Variants in DMD observed in about 807,000 individuals in gnomAD.
The protein encoded by DMD is mutant dystrophin.
DMD carries 63 observed loss-of-function variants against 330.1 expected under a neutral mutation model. The observed-to-expected ratio is 0.19, with a 90% CI of 0.16 to 0.24. DMD has a LOEUF of 0.24. Among genes scored for constraint, DMD ranks in the 10% least tolerant of loss-of-function variants. The pLI is 1.00. For missense variants in DMD, 3,344 were observed against 2,684.1 expected (o/e 1.25, Z -5.43); for synonymous variants, 1,223 against 959.8 (o/e 1.27, Z -5.07).
intron 44 of DMD, among the ~76,000 whole-genome samples, chrX:32,085,830 T>C (rs965047969): frequency 1.8e-5 from 2 of 110,486 alleles, no homozygotes; most frequent in Non-Finnish European, 3.8e-5. Flanking sequence ...TCAAAATGTA[T>C]ACAATGTGCC....
Position 31,167,376 on chromosome X carries a change from A to G in DMD, c.10553+2067T>C, listed in dbSNP as rs142979242. On this transcript the variant is annotated intron_variant, in intron 74 of 78. Transcript: ENST00000357033. ...AAAATGATAAAATGATAAATAAATG[A>G]TAGTTATCAGTACTCTTTACAAACA... Among the ~76,000 whole-genome samples, 149 of 111,874 alleles carry G rather than the reference A, an allele frequency of 1.3e-3. 1 individual carries two copies. In the East Asian group the frequency reaches 0.027, roughly 20 times the overall value.
At position 32,885,001 on chromosome X, in the gene DMD, T is replaced by A. The variant is rs2084379591; in HGVS notation, c.94-35181A>T. ...TGAGAAAATGCTGTGTCTTATAAAGTCATATAATGCTGAAGGTCAAGGAAT... is the reference window on the plus strand; with the variant it reads ...TGAGAAAATGCTGTGTCTTATAAAGACATATAATGCTGAAGGTCAAGGAAT... On this transcript the variant is annotated intron_variant, in intron 2 of 78. Transcript: ENST00000357033. Among the ~76,000 whole-genome samples, 2 of 112,076 alleles carry A rather than the reference T, an allele frequency of 1.8e-5. 1 individual carries two copies. Among genetic ancestry groups the A allele is most frequent in the Admixed American group, 1.9e-4 (2 of 10,552 alleles).
At chrX:32,116,841 T>C in intron 44 of DMD, among the ~76,000 whole-genome samples, 1 of 112,198 alleles carries the variant, frequency 8.9e-6, no homozygotes, top group Admixed American at 9.5e-5. Flanking sequence ...GGCTTGAAAT[T>C]CTAACACTCT....
At chrX:32,332,745 T>C (rs1205440252) in intron 41 of DMD, among the ~76,000 whole-genome samples, 1 of 111,183 alleles carries the variant, frequency 9.0e-6, no homozygotes, top group African/African-American at 3.3e-5. Flanking sequence ...GGGAATTCAT[T>C]GAAGGATTAT....
chrX:32,762,169 A>G (rs1484697893), intron 7 of DMD, among the ~76,000 whole-genome samples: 1 of 102,218 alleles, frequency 9.8e-6, no homozygotes, highest in African/African-American at 3.6e-5. Flanking sequence ...AAAAAAAAAG[A>G]AAAAAAAAAT....
At chrX:32,951,534 G>T (rs928194722) in intron 2 of DMD, among the ~76,000 whole-genome samples, 1 of 111,320 alleles carries the variant, frequency 9.0e-6, no homozygotes, top group Non-Finnish European at 1.9e-5. Flanking sequence ...TCGAAAATCA[G>T]CTTTTCTTCT....
intron 29 of DMD, 125 bp downstream of exon 29, chrX:32,438,116 G>GGATT: frequency 1.4e-6 from 1 of 715,838 alleles, no homozygotes; most frequent in African/African-American, 2.1e-5. Flanking sequence ...GTCTGGCATT[G>GGATT]GATTGTCTCT....
chrX:31,605,484 A>G (rs2077567875), intron 55 of DMD, among the ~76,000 whole-genome samples: 1 of 111,908 alleles, frequency 8.9e-6, no homozygotes, highest in Non-Finnish European at 1.9e-5. Context: ...GTTAAAAAAA[A>G]CCTTTTTTTT....
chrX:32,820,431 G>C (rs896070599), intron 5 of DMD, among the ~76,000 whole-genome samples: 1 of 111,152 alleles, frequency 9.0e-6, no homozygotes, highest in Non-Finnish European at 1.9e-5. Context: ...GACAGAGCGA[G>C]ACTCTGTCTC....
At chrX:32,501,934 G>A in intron 18 of DMD, 92 bp from the exon 19 acceptor site, 3 of 666,534 alleles carry the variant, frequency 4.5e-6, no homozygotes, top group South Asian at 5.0e-5. Flanking sequence ...CAAGCCTTAA[G>A]ATGTTTCACT....
intron 45 of DMD, among the ~76,000 whole-genome samples, chrX:31,936,541 C>A (rs767502287): frequency 5.4e-5 from 6 of 111,550 alleles, no homozygotes; most frequent in African/African-American, 1.9e-4. Flanking sequence ...ATGTCTGTTG[C>A]CCATTTTTCC....
intron 44 of DMD, among the ~76,000 whole-genome samples, chrX:31,970,944 G>A (rs1042126392): frequency 1.8e-5 from 2 of 111,513 alleles, no homozygotes; most frequent in African/African-American, 6.5e-5. Context: ...CTTCAAGAGT[G>A]TCCAATACTT....
intron 42 of DMD, among the ~76,000 whole-genome samples, chrX:32,299,665 T>A (rs758046375): frequency 3.6e-5 from 4 of 110,957 alleles, no homozygotes; most frequent in Non-Finnish European, 7.6e-5. Context: ...TTAAAAATGA[T>A]CTCACCTGAG....
intron 44 of DMD, among the ~76,000 whole-genome samples, chrX:32,121,382 C>T (rs1277916846): frequency 2.8e-5 from 3 of 106,852 alleles, no homozygotes; most frequent in Non-Finnish European, 5.8e-5. Flanking sequence ...GGAGTTCTCC[C>T]TGCAGCTGGT....
At chrX:31,666,895 A>T (rs1350791955) in intron 53 of DMD, among the ~76,000 whole-genome samples, 1 of 112,117 alleles carries the variant, frequency 8.9e-6, no homozygotes, top group African/African-American at 3.2e-5. Flanking sequence ...AAAAATGGAG[A>T]CTATGTTTCT....
chrX:31,583,071 C>A (rs757199155), intron 55 of DMD, among the ~76,000 whole-genome samples: 4 of 112,172 alleles, frequency 3.6e-5, no homozygotes, highest in Admixed American at 1.9e-4. Flanking sequence ...ACTGCTTTAG[C>A]AAAAGCCCAA....
intron 1 of DMD, among the ~76,000 whole-genome samples, chrX:33,316,425 A>G (rs2053933881): frequency 9.0e-6 from 1 of 111,539 alleles, no homozygotes; most frequent in African/African-American, 3.2e-5. Context: ...ACACACACAC[A>G]TACATATATG....
At chrX:32,655,418 G>T (rs2060490995) in intron 9 of DMD, among the ~76,000 whole-genome samples, 1 of 112,274 alleles carries the variant, frequency 8.9e-6, no homozygotes, top group South Asian at 3.7e-4. Context: ...TCAGCAGCAG[G>T]TTGTTCAGTT....
At chrX:32,052,465 T>G (rs918722914) in intron 44 of DMD, among the ~76,000 whole-genome samples, 33 of 111,530 alleles carry the variant, frequency 3.0e-4, no homozygotes, top group African/African-American at 9.8e-4. Flanking sequence ...GACCCATATT[T>G]TTTGCCATTT....
Sources: allele counts gnomAD v4.1 joint callset (sites outside exome capture counted in the v4.1 genomes callset), GRCh38; gene constraint gnomAD v4.1.1; transcripts MANE v1.5; gene names NCBI Gene and HGNC (gene_info 2026-07-23, HGNC 2026-07-21).